Variants in CCDC59 observed in about 807,000 individuals in gnomAD.
CCDC59 encodes thyroid transcription factor 1-associated protein 26.
In CCDC59, 27 loss-of-function variants were observed where a neutral mutation model predicts 30.5. That is an observed-to-expected ratio of 0.89 (90% confidence interval 0.65 to 1.22). CCDC59 has a LOEUF of 1.22. Ranked by LOEUF, CCDC59 falls within the 50% of genes most tolerant of loss-of-function variation. CCDC59 has a pLI of 0.00. For missense variants in CCDC59, 362 were observed against 284.4 expected (o/e 1.27, Z -1.96); for synonymous variants, 125 against 100.9 (o/e 1.24, Z -1.43).
rs767415058 is a variant in CCDC59 at position 82,357,210 on chromosome 12, G to A, written c.214C>T (p.Arg72Trp). The A allele has an allele frequency of 8.7e-6, 14 of 1,614,024 alleles. No homozygotes were observed. The highest frequency in any genetic ancestry group is 2.2e-5 in the East Asian group (1 of 44,876). Residue 72 changes from arginine (R) to tryptophan (W), a missense_variant, in exon 2 of 4, where the codon CGG becomes TGG. Arg to Trp is a moderately radical substitution (Grantham distance 101, BLOSUM62 -3). Coordinates refer to ENST00000256151, the MANE Select transcript of CCDC59 (RefSeq NM_014167.5). ...GACGTTTGAGCCTTCTTTTCCTTCC[G>A]TAGCAATTTCTTGTAACTTTGCTGT... Reference protein sequence around the residue: ...KIQQSYKKLLRKEKKAQTSLE... With the variant: ...KIQQSYKKLLWKEKKAQTSLE...
chr12:82,356,078 C>A (rs533813102), intron 2 of CCDC59: 1 of 152,182 alleles, frequency 6.6e-6, no homozygotes, highest in South Asian at 2.1e-4. Context: ...CATTTTTACC[C>A]CCCGTGGTCC....
rs777050128 is a variant in CCDC59, at chr12:82,358,343, G to A, written c.34C>T (p.Pro12Ser). Residue 12 changes from proline to serine, a missense_variant, in exon 1 of 4, where the codon CCT becomes TCT. Pro to Ser is a moderately conservative substitution (Grantham distance 74, BLOSUM62 -1). Coordinates refer to ENST00000256151, the MANE Select transcript of CCDC59 (RefSeq NM_014167.5). ...TCACCACGCGCCTCAATACCACCAGGCCGCCACTTCGCGGACCGCCTCACC... is the reference window on the plus strand; with the variant it reads ...TCACCACGCGCCTCAATACCACCAGACCGCCACTTCGCGGACCGCCTCACC... ...APVRRSAKWR[P>S]GGIEARGEGV... is the part of the protein sequence containing the mutation. 1.1e-4 allele frequency: 181 copies of A among 1,613,706 alleles called. No individual in the cohort carries two copies. The highest frequency in any genetic ancestry group is 5.0e-4 in the Middle Eastern group (3 of 6,060).
chr12:82,353,315 A>G lies in CCDC59; in HGVS notation c.565-3T>C, dbSNP rs757612096. ...TCCTGTTTTCTCCTCTCGAATTCCT[A>G]AAATTATTAACATATGTAACTTTCA... On this transcript the variant is annotated splice_region_variant and splice_polypyrimidine_tract_variant and intron_variant, in intron 3 of 3. Transcript: ENST00000256151. The G allele has an allele frequency of 6.3e-7, 1 of 1,591,358 alleles. No individual in the cohort carries two copies. Among genetic ancestry groups the G allele is most frequent in the South Asian group, 1.2e-5 (1 of 86,560 alleles).
chr12:82,358,514 T>C (rs1339325647), upstream of CCDC59: 16 of 1,598,170 alleles, frequency 1.0e-5, no homozygotes, highest in South Asian at 9.9e-5. Flanking sequence ...TGGGCCGAGC[T>C]GGCGCCTCAC....
chr12:82,354,204 C>A (rs1016206181), intron 3 of CCDC59, among the ~76,000 whole-genome samples: 2 of 152,172 alleles, frequency 1.3e-5, no homozygotes, highest in African/African-American at 4.8e-5. Flanking sequence ...TTAACAAGTG[C>A]AAGTTCCTGG....
Position 82,353,088 on chromosome 12 carries a change from G to A in CCDC59, c.*63C>T. ...GTCGACAAATTTAGTTCACTGCTGG[G>A]AGGCACATGTCACAGAAGAACCTAA... On this transcript the variant is annotated 3_prime_UTR_variant, in exon 4 of 4. Coordinates refer to ENST00000256151, the MANE Select transcript of CCDC59 (RefSeq NM_014167.5). The A allele has an allele frequency of 1.5e-6, 2 of 1,319,510 alleles. No homozygotes were observed. Among genetic ancestry groups the A allele is most frequent in the Non-Finnish European group, 2.1e-6 (2 of 958,610 alleles). The allele number at this position is 1,319,510 out of a possible 1,614,324, so 81.7% of individuals were successfully genotyped here. A position where few individuals can be genotyped will look rare whatever the true frequency, so the allele number is the denominator to read the frequency against.
chr12:82,356,877 T>C (rs1881044245), intron 2 of CCDC59, 83 bp downstream of exon 2: 5 of 1,110,042 alleles, frequency 4.5e-6, no homozygotes, highest in Admixed American at 2.7e-5. Context: ...TAAGAAAAAA[T>C]ACAATTCCTA....
rs1483328972 is a variant in CCDC59 at position 82,358,358 on chromosome 12, A to G, written c.19T>C (p.Ser7Pro). ...ATACCACCAGGCCGCCACTTCGCGGACCGCCTCACCGGCGCCATTGCAGCC... is the reference window on the plus strand; with the variant it reads ...ATACCACCAGGCCGCCACTTCGCGGGCCGCCTCACCGGCGCCATTGCAGCC... MAPVRR[S>P]AKWRPGGIEA... Residue 7 changes from serine to proline, a missense_variant, in exon 1 of 4, where the codon TCC becomes CCC. By Grantham distance (74) the Ser-to-Pro change is moderately conservative (BLOSUM62 -1). Coordinates refer to ENST00000256151, the MANE Select transcript of CCDC59 (RefSeq NM_014167.5). 6.2e-7 allele frequency: 1 copy of G among 1,613,650 alleles called. No individual in the cohort carries two copies. Among genetic ancestry groups the G allele is most frequent in the Non-Finnish European group, 8.5e-7 (1 of 1,180,026 alleles).
At chr12:82,357,292 A>T in intron 1 of CCDC59, 23 bp from the exon 2 acceptor site, 1 of 1,316,098 alleles carries the variant, frequency 7.6e-7, no homozygotes, top group Non-Finnish European at 1.0e-6. Flanking sequence ...ATATCATCCA[A>T]AATTACTTTC....
intron 1 of CCDC59, 133 bp from the exon 2 acceptor site, chr12:82,357,402 A>T: frequency 2.7e-6 from 2 of 743,320 alleles, no homozygotes; most frequent in Non-Finnish European, 2.1e-6. Context: ...TTGCTTTAAA[A>T]AATTATTTCA....
At chr12:82,357,967 CAGGAAAAATAT>C (rs1881173475) in intron 1 of CCDC59, among the ~76,000 whole-genome samples, 1 of 152,108 alleles carries the variant, frequency 6.6e-6, no homozygotes. Context: ...CTCAGTTTCT[CAGGAAAAATAT>C]AGGAAAAAAG....
intron 2 of CCDC59, 36 bp from the exon 3 acceptor site, chr12:82,354,630 A>G (rs1204945109): frequency 1.3e-6 from 2 of 1,529,196 alleles, no homozygotes; most frequent in South Asian, 1.3e-5. Context: ...GGACTTTATT[A>G]GTAAAATGTC....
In CCDC59 at chr12:82,358,258, T is replaced by C. The variant is rs79245219; in HGVS notation, c.119A>G (p.Asn40Ser). The C allele has an allele frequency of 6.2e-7, 1 of 1,614,156 alleles. No homozygotes were observed. Among genetic ancestry groups the C allele is most frequent in the Non-Finnish European group, 8.5e-7 (1 of 1,180,014 alleles). ...KNVRQKTWRP[N>S]HPQAFVGSVR... ...GCTCCCCACGAAGGCTTGCGGGTGG[T>C]TAGGCCGCCATGTCTTCTGTCTCAC... Residue 40 changes from asparagine (N) to serine (S), a missense_variant, in exon 1 of 4, where the codon AAC (asparagine) becomes AGC (serine). Transcript: ENST00000256151.
At chr12:82,357,387 A>G in intron 1 of CCDC59, 118 bp from the exon 2 acceptor site, 1 of 832,732 alleles carries the variant, frequency 1.2e-6, no homozygotes, top group Non-Finnish European at 1.8e-6. Context: ...TTCTAGTATT[A>G]TATTTTGCTT....
chr12:82,352,923 A>G lies in CCDC59; in HGVS notation c.*228T>C. On this transcript the variant is annotated 3_prime_UTR_variant, in exon 4 of 4. Coordinates refer to ENST00000256151, the MANE Select transcript of CCDC59 (RefSeq NM_014167.5). ...GCTTGGGCCTGTCTTGCAAAATAAGAGGTTCTTTCAGTTCTTCAGGCCAAC... is the reference window on the plus strand; with the variant it reads ...GCTTGGGCCTGTCTTGCAAAATAAGGGGTTCTTTCAGTTCTTCAGGCCAAC... The G allele has an allele frequency of 2.7e-6, 1 of 366,044 alleles. No homozygotes were observed. The highest frequency in any genetic ancestry group is 4.9e-6 in the Non-Finnish European group (1 of 204,900). 22.7% of individuals were successfully genotyped at this position (366,044 alleles called of 1,614,324 possible).
rs772314295 is a variant in CCDC59 at position 82,357,173 on chromosome 12, T to C, written c.251A>G (p.Gln84Arg). 1.9e-6 allele frequency: 3 copies of C among 1,613,610 alleles called. No individual in the cohort carries two copies. The highest frequency in any genetic ancestry group is 2.5e-6 in the Non-Finnish European group (3 of 1,179,458). The change falls in exon 2 of 4, where the codon CAA becomes CGA. Residue 84 changes from glutamine (Q) to arginine (R), a missense_variant. By Grantham distance (43) the Gln-to-Arg change is conservative. Transcript: ENST00000256151. ...EKKAQTSLES[Q>R]FTDRYPDNLK... ...ATTATCTGGGTATCGATCTGTGAAT[T>C]GAGATTCCAGTGACGTTTGAGCCTT...
chr12:82,355,455 ATGT>A (rs1382676958), intron 2 of CCDC59: 2 of 152,234 alleles, frequency 1.3e-5, no homozygotes, highest in African/African-American at 4.8e-5. Context: ...AAAAAATCGT[ATGT>A]TGAAGTTGCT....
In CCDC59 at chr12:82,353,323, T is replaced by G. The variant is rs1739893407; in HGVS notation, c.565-11A>C. 2.5e-6 allele frequency: 4 copies of G among 1,583,880 alleles called. No homozygotes were observed. The highest frequency in any genetic ancestry group is 3.4e-6 in the Non-Finnish European group (4 of 1,167,464). On this transcript the variant is annotated splice_polypyrimidine_tract_variant and intron_variant, in intron 3 of 3. Coordinates refer to ENST00000256151, the MANE Select transcript of CCDC59 (RefSeq NM_014167.5). ...TCTCCTCTCGAATTCCTAAAATTAT[T>G]AACATATGTAACTTTCATTAGCAAC...
intron 2 of CCDC59, among the ~76,000 whole-genome samples, chr12:82,356,356 G>C (rs974748364): frequency 6.6e-6 from 1 of 152,138 alleles, no homozygotes; most frequent in Non-Finnish European, 1.5e-5. Context: ...ACGCTCAAGA[G>C]CACTAACCAC....
Sources: allele counts gnomAD v4.1 joint callset (sites outside exome capture counted in the v4.1 genomes callset), GRCh38; gene constraint gnomAD v4.1.1; transcripts MANE v1.5; gene names NCBI Gene and HGNC (gene_info 2026-07-23, HGNC 2026-07-21).